The following SMAP1 variants were observed in gnomAD, a reference collection of about 807,000 sequenced individuals.
SMAP1 encodes the protein small ArfGAP 1, also known as stromal membrane-associated protein 1.
A neutral mutation model predicts 58.5 loss-of-function variants in SMAP1; 24 were observed. That is an observed-to-expected ratio of 0.41 (90% CI 0.30 to 0.58). The LOEUF is 0.58. SMAP1 is among the 20% of genes least tolerant of loss of function. The pLI is 0.29. For synonymous variants in SMAP1, 216 were observed against 196.6 expected, an observed-to-expected ratio of 1.10 and a Z score of -0.82; for missense variants, 563 against 566.3, an observed-to-expected ratio of 0.99 and a Z score of 0.06.
chr6:70,759,963 C>A, intron 3 of SMAP1: 1 of 367,038 alleles, frequency 2.7e-6, no homozygotes, highest in South Asian at 2.1e-5. Flanking sequence ...TGACATAGAG[C>A]ATAATATTTT....
Position 70,861,831 on chromosome 6 carries a change from TTAG to T in SMAP1, c.*1499_*1501del. ...GGGCAGCACAAGTGTAATGAATACC[TTAG>T]TGCAGTTATTTGCTTTCGGTTCCAG... On this transcript the variant is annotated 3_prime_UTR_variant, in exon 11 of 11. Transcript: ENST00000370455. The T allele has an allele frequency of 6.2e-7, 1 of 1,614,072 alleles. No homozygotes were observed. The highest frequency in any genetic ancestry group is 8.5e-7 in the Non-Finnish European group (1 of 1,179,962).
At chr6:70,704,017 G>A (rs1411475907) in intron 1 of SMAP1, among the ~76,000 whole-genome samples, 2 of 152,190 alleles carry the variant, frequency 1.3e-5, no homozygotes, top group African/African-American at 2.4e-5. Context: ...TGCTTTAGTC[G>A]ATTGGGCAAA....
intron 5 of SMAP1, among the ~76,000 whole-genome samples, chr6:70,796,530 A>G (rs949369447): frequency 1.3e-5 from 2 of 152,222 alleles, no homozygotes; most frequent in Admixed American, 6.5e-5. Context: ...AATAAGTGGT[A>G]GTTGTGTTTT....
intron 2 of SMAP1, among the ~76,000 whole-genome samples, chr6:70,747,064 C>G (rs1420253635): frequency 6.6e-6 from 1 of 152,010 alleles, no homozygotes; most frequent in Non-Finnish European, 1.5e-5. Flanking sequence ...CACTTTCCTG[C>G]TTTGTGTGAA....
chr6:70,673,786 C>A (rs971602307), intron 1 of SMAP1, among the ~76,000 whole-genome samples: 1 of 152,164 alleles, frequency 6.6e-6, no homozygotes, highest in African/African-American at 2.4e-5. Context: ...TTGGGCAGAG[C>A]CCTGGTATCA....
intron 4 of SMAP1, among the ~76,000 whole-genome samples, 187 bp from the exon 5 acceptor site, chr6:70,791,502 T>A (rs1301908279): frequency 6.6e-6 from 1 of 152,216 alleles, no homozygotes; most frequent in Non-Finnish European, 1.5e-5. Flanking sequence ...AATCCTTTTA[T>A]AAATTTCAAA....
chr6:70,688,317 C>G (rs1277905893), intron 1 of SMAP1, among the ~76,000 whole-genome samples: 1 of 151,896 alleles, frequency 6.6e-6, no homozygotes, highest in East Asian at 1.9e-4. Context: ...TGATAAGTGC[C>G]CAGTAGTGCA....
chr6:70,861,220 C>T lies in SMAP1; in HGVS notation c.*886C>T. 5.9e-6 allele frequency: 1 copy of T among 170,660 alleles called. No individual in the cohort carries two copies. Among genetic ancestry groups the T allele is most frequent in the South Asian group, 1.6e-4 (1 of 6,284 alleles). The allele number at this position is 170,660 out of a possible 1,614,324, so 10.6% of individuals were successfully genotyped here. A position where few individuals can be genotyped will look rare whatever the true frequency, so the allele number is the denominator to read the frequency against. ...TATGATGTATACTGCCACTAACCTT[C>T]CAAAAATTACTTAGTATTGCAAAGT... is the stretch of plus-strand genomic sequence containing the variant. On this transcript the variant is annotated 3_prime_UTR_variant, in exon 11 of 11. Coordinates refer to ENST00000370455, the MANE Select transcript of SMAP1 (RefSeq NM_001044305.3).
chr6:70,682,890 TAGCC>T, intron 1 of SMAP1, among the ~76,000 whole-genome samples: 1 of 152,034 alleles, frequency 6.6e-6, no homozygotes, highest in South Asian at 2.1e-4. Flanking sequence ...ATACAAAAAT[TAGCC>T]AGGCGTGGTG....
chr6:70,848,964 T>A (rs1771086893), intron 7 of SMAP1, among the ~76,000 whole-genome samples: 1 of 152,214 alleles, frequency 6.6e-6, no homozygotes, highest in African/African-American at 2.4e-5. Context: ...ATGCATAGCT[T>A]TGATAGTAAC....
intron 6 of SMAP1, among the ~76,000 whole-genome samples, chr6:70,799,364 C>A (rs562901950): frequency 2.2e-4 from 33 of 152,116 alleles, no homozygotes; most frequent in Middle Eastern, 3.4e-3. Flanking sequence ...CATGGTACTC[C>A]TAATTCAGAA....
chr6:70,782,036 A>C (rs1056157637), intron 4 of SMAP1, among the ~76,000 whole-genome samples: 19 of 152,186 alleles, frequency 1.2e-4, no homozygotes, highest in African/African-American at 3.9e-4. Context: ...TCTACTGCGT[A>C]TTATCTCATG....
rs762637296 is a variant in SMAP1, at chr6:70,668,013, C to T, written c.-11C>T. On this transcript the variant is annotated 5_prime_UTR_variant, in exon 1 of 11. Transcript: ENST00000370455. The stretch of plus-strand genomic sequence containing the variant: ...CCGTAGCTGCCCCAGGCTCCCCGCC[C>T]CGCTGCCGAGATGGCGACGCGCTCC... 7 of 1,582,462 alleles carry T rather than the reference C, an allele frequency of 4.4e-6. No individual in the cohort carries two copies. In the South Asian group the frequency reaches 8.0e-5, roughly 18 times the overall value.
At position 70,859,337 on chromosome 6, in the gene SMAP1, G is replaced by A. The variant is rs989473281; in HGVS notation, c.1270-863G>A. On this transcript the variant is annotated intron_variant, in intron 10 of 10. Transcript: ENST00000370455. ...CTGGCTCTTACTTCCAGATAATGCA[G>A]AAGGGTGATGCTGTTCTCCAGCACT... The A allele has an allele frequency of 3.9e-6, 6 of 1,547,776 alleles. No individual in the cohort carries two copies. The Admixed American group carries it at 9.9e-5, about 26-fold the overall frequency.
chr6:70,691,583 C>T (rs1313740691), intron 1 of SMAP1, among the ~76,000 whole-genome samples: 2 of 152,154 alleles, frequency 1.3e-5, no homozygotes, highest in Admixed American at 1.3e-4. Flanking sequence ...TTAACCATCT[C>T]AATTCTGTGG....
chr6:70,846,285 T>A (rs988854767), intron 7 of SMAP1, among the ~76,000 whole-genome samples: 1 of 152,194 alleles, frequency 6.6e-6, no homozygotes, highest in African/African-American at 2.4e-5. Flanking sequence ...TCCCATAACC[T>A]GTGTTTGGAA....
At chr6:70,735,642 A>G in intron 2 of SMAP1, among the ~76,000 whole-genome samples, 1 of 152,068 alleles carries the variant, frequency 6.6e-6, no homozygotes, top group East Asian at 1.9e-4. Context: ...GGTAACACAC[A>G]CCCGTAGTCC....
At chr6:70,758,145 A>G (rs1193876511) in intron 3 of SMAP1, among the ~76,000 whole-genome samples, 1 of 150,412 alleles carries the variant, frequency 6.6e-6, no homozygotes, top group African/African-American at 2.4e-5. Context: ...GATAGACTGG[A>G]TTAAGAAAAT....
chr6:70,792,076 A>AT (rs1768387040), intron 5 of SMAP1, among the ~76,000 whole-genome samples: 1 of 152,048 alleles, frequency 6.6e-6, no homozygotes, highest in Non-Finnish European at 1.5e-5. Context: ...TTTAAAAAAA[A>AT]TTTTCTTTCT....
Sources: allele counts gnomAD v4.1 joint callset (sites outside exome capture counted in the v4.1 genomes callset), GRCh38; gene constraint gnomAD v4.1.1; transcripts MANE v1.5; gene names NCBI Gene and HGNC (gene_info 2026-07-23, HGNC 2026-07-21).